The following PTK2B variants were observed in gnomAD, a reference collection of about 807,000 sequenced individuals.
PTK2B encodes protein tyrosine kinase 2 beta, also known as protein-tyrosine kinase 2-beta.
Under a neutral mutation model 142.9 loss-of-function variants are expected in PTK2B, and 71 were observed. That is an observed-to-expected ratio of 0.50 (90% CI 0.41 to 0.61). The LOEUF is 0.61. PTK2B is among the 20% of genes least tolerant of loss of function. The probability of loss-of-function intolerance (pLI) is 0.00; values close to 1 mark genes in which losing one functional copy is unlikely to be tolerated. For missense variants in PTK2B, 1,105 were observed against 1,320.4 expected (o/e 0.84, Z 2.53); for synonymous variants, 519 against 503.4 (o/e 1.03, Z -0.42).
chr8:27,383,358 G>A (rs1586203357), intron 1 of PTK2B, among the ~76,000 whole-genome samples: 1 of 152,048 alleles, frequency 6.6e-6, no homozygotes, highest in Non-Finnish European at 1.5e-5. Context: ...CAATTCTCCT[G>A]TCTCAGCCTC....
chr8:27,357,098 G>A (rs1805435473), intron 1 of PTK2B, among the ~76,000 whole-genome samples: 1 of 152,106 alleles, frequency 6.6e-6, no homozygotes, highest in African/African-American at 2.4e-5. Flanking sequence ...AATGGGATCA[G>A]GTCTGTAGTT....
At chr8:27,433,702 T>C in intron 11 of PTK2B, 150 bp downstream of exon 11, 1 of 725,438 alleles carries the variant, frequency 1.4e-6, no homozygotes, top group Non-Finnish European at 2.3e-6. Context: ...AGTGGGCCCA[T>C]CTTAGGCTTT....
At chr8:27,368,225 A>G (rs557598412) in intron 1 of PTK2B, among the ~76,000 whole-genome samples, 110 of 152,278 alleles carry the variant, frequency 7.2e-4, no homozygotes, top group Admixed American at 2.1e-3. Flanking sequence ...TATGTCCCCA[A>G]ATATCCTGCT....
At chr8:27,366,803 TG>T (rs145833185) in intron 1 of PTK2B, among the ~76,000 whole-genome samples, 7,657 of 151,306 alleles carry the variant, frequency 0.051, 267 homozygotes, top group Non-Finnish European at 0.08. Context: ...TGTGGCTGTG[TG>T]GCTGTGTGTG....
At chr8:27,423,423 A>T (rs1365483208) in intron 5 of PTK2B, among the ~76,000 whole-genome samples, 1 of 152,030 alleles carries the variant, frequency 6.6e-6, no homozygotes, top group East Asian at 1.9e-4. Flanking sequence ...AATAAACTGG[A>T]GACGTCCTGG....
At chr8:27,324,868 C>G (rs1034186672), upstream of PTK2B, among the ~76,000 whole-genome samples, 1 of 152,168 alleles carries the variant, frequency 6.6e-6, no homozygotes, top group African/African-American at 2.4e-5. Context: ...TGCTAAGTGC[C>G]CTTGAGTGCC....
At chr8:27,419,780 C>A in intron 2 of PTK2B, 115 bp from the exon 3 acceptor site, 2 of 1,107,136 alleles carry the variant, frequency 1.8e-6, no homozygotes, top group Non-Finnish European at 2.6e-6. Flanking sequence ...AGAGACAAAT[C>A]GAACATGAAG....
At position 27,437,055 on chromosome 8, in the gene PTK2B, G is replaced by T. The variant is rs1343633471; in HGVS notation, c.1342-67G>T. On this transcript the variant is annotated intron_variant, in intron 15 of 30. Coordinates refer to ENST00000346049, the MANE Select transcript of PTK2B (RefSeq NM_173176.3). ...AAAATCTGCAGGAGGCCATGGGGAG[G>T]CCAGGAGGGAACATTCTGCTGAGCA... 5 of 1,491,022 alleles carry T rather than the reference G, an allele frequency of 3.4e-6. No homozygotes were observed. In the Admixed American group the frequency reaches 8.4e-5, roughly 25 times the overall value. 92.4% of individuals were successfully genotyped at this position (1,491,022 alleles called of 1,614,324 possible).
At chr8:27,424,143 A>G (rs895435394) in intron 5 of PTK2B, among the ~76,000 whole-genome samples, 4 of 152,182 alleles carry the variant, frequency 2.6e-5, no homozygotes, top group African/African-American at 9.7e-5. Flanking sequence ...TTACCTTTTT[A>G]TTTATGGATC....
At chr8:27,414,538 G>A (rs1482346877) in intron 2 of PTK2B, among the ~76,000 whole-genome samples, 6 of 141,188 alleles carry the variant, frequency 4.2e-5, no homozygotes, top group African/African-American at 7.9e-5. Context: ...GAGCCACCGC[G>A]CCTGGCCGGG....
At chr8:27,456,728 C>T (rs1318804431) in intron 30 of PTK2B, among the ~76,000 whole-genome samples, 1 of 152,132 alleles carries the variant, frequency 6.6e-6, no homozygotes, top group South Asian at 2.1e-4. Flanking sequence ...CAGTTAGCCA[C>T]GTTGTGAATG....
chr8:27,421,887 G>C (rs1809777853), intron 4 of PTK2B, among the ~76,000 whole-genome samples: 1 of 152,236 alleles, frequency 6.6e-6, no homozygotes, highest in Non-Finnish European at 1.5e-5. Flanking sequence ...TCTGATATTA[G>C]TTCCTTCCAA....
At chr8:27,434,038 C>T (rs1361160688) in intron 11 of PTK2B, 55 bp from the exon 12 acceptor site, 1 of 1,583,614 alleles carries the variant, frequency 6.3e-7, no homozygotes, top group African/African-American at 1.3e-5. Context: ...GTCAGTCACC[C>T]ATCCAGGTCC....
rs1477296397 is a variant in PTK2B, at chr8:27,439,021, C to G, written c.1644-10C>G. The G allele has an allele frequency of 1.2e-6, 2 of 1,611,298 alleles. No homozygotes were observed. The highest frequency in any genetic ancestry group is 1.7e-6 in the Non-Finnish European group (2 of 1,177,400). On this transcript the variant is annotated splice_polypyrimidine_tract_variant and intron_variant, in intron 18 of 30. Coordinates refer to ENST00000346049, the MANE Select transcript of PTK2B (RefSeq NM_173176.3). ...AGTGCCTCATCCTGGTCTTGATGCC[C>G]TTCTTCCAGGGACATTGCTGTCCGG...
intron 1 of PTK2B, among the ~76,000 whole-genome samples, chr8:27,345,790 C>T (rs894906340): frequency 6.6e-6 from 1 of 152,038 alleles, no homozygotes; most frequent in African/African-American, 2.4e-5. Flanking sequence ...AATGGGAAGG[C>T]GAGTCAGGTG....
Position 27,456,297 on chromosome 8 carries a change from C to T in PTK2B, c.2814+1686C>T, listed in dbSNP as rs114904564. On this transcript the variant is annotated intron_variant, in intron 30 of 30. Coordinates refer to ENST00000346049, the MANE Select transcript of PTK2B (RefSeq NM_173176.3). Reference sequence around the variant, plus strand: ...TATTGGTGCCATTTTTCTAACAGCACGTGCTCACTTTGTGTCTCTGTCACA... The same window carrying T: ...TATTGGTGCCATTTTTCTAACAGCATGTGCTCACTTTGTGTCTCTGTCACA... Among the ~76,000 whole-genome samples, 895 of 152,298 alleles carry T rather than the reference C, an allele frequency of 5.9e-3. 12 individuals are homozygous for T. The highest frequency in any genetic ancestry group is 0.021 in the African/African-American group (862 of 41,560).
At position 27,436,303 on chromosome 8, in the gene PTK2B, G is replaced by A. The variant is rs760729854; in HGVS notation, c.1296G>A (p.Gly432=). Residue 432 remains glycine, a synonymous_variant, in exon 15 of 31, where the codon GGG becomes GGA. Transcript: ENST00000346049. Reference sequence around the variant, plus strand: ...ATGTGGTCCTGAATCGTATTCTTGGGGAAGGCTTTTTTGGGGAGGTCTATG... The same window carrying A: ...ATGTGGTCCTGAATCGTATTCTTGGAGAAGGCTTTTTTGGGGAGGTCTATG... ...REDVVLNRIL[G]EGFFGEVYEG... 1 of 1,614,150 alleles carries A rather than the reference G, an allele frequency of 6.2e-7. No homozygotes were observed. The highest frequency in any genetic ancestry group is 8.5e-7 in the Non-Finnish European group (1 of 1,180,036).
At chr8:27,355,903 A>G (rs1195039503) in intron 1 of PTK2B, among the ~76,000 whole-genome samples, 2 of 151,960 alleles carry the variant, frequency 1.3e-5, no homozygotes, top group Admixed American at 1.3e-4. Flanking sequence ...GGCACCTGTA[A>G]TCTCAGCTAC....
At chr8:27,333,327 A>G (rs1161773455) in intron 1 of PTK2B, among the ~76,000 whole-genome samples, 1 of 152,218 alleles carries the variant, frequency 6.6e-6, no homozygotes, top group African/African-American at 2.4e-5. Context: ...CCAGACAGCC[A>G]TGGGGCTTTA....
Sources: gnomAD v4.1 joint callset for allele counts (sites outside exome capture counted in the v4.1 genomes callset) on GRCh38, gnomAD v4.1.1 for gene constraint, MANE v1.5 for transcripts, NCBI Gene and HGNC (gene_info 2026-07-23, HGNC 2026-07-21) for gene names.